The following CHN2 variants were observed in gnomAD, a reference collection of about 807,000 sequenced individuals.
CHN2 encodes beta-chimaerin.
A neutral mutation model predicts 56.3 loss-of-function variants in CHN2; 35 were observed. The ratio of observed to expected loss-of-function variants is 0.62; its 90% CI spans 0.47 to 0.82. The LOEUF (loss-of-function observed/expected upper bound fraction) is 0.82, where lower values mean the gene tolerates loss of function less well. CHN2 is among the 40% of genes least tolerant of loss of function. The pLI is 0.00. For missense variants in CHN2, 491 were observed against 580.5 expected (o/e 0.85, Z 1.58); for synonymous variants, 210 against 212.8 (o/e 0.99, Z 0.12).
chr7:29,493,783 T>G (rs1788921593), intron 7 of CHN2, among the ~76,000 whole-genome samples: 1 of 152,200 alleles, frequency 6.6e-6, no homozygotes, highest in Non-Finnish European at 1.5e-5. Context: ...GCTCTGTCAT[T>G]GTTCAACTAG....
In CHN2 at chr7:29,337,752, C is replaced by T. The variant is rs566959213; in HGVS notation, c.50-16873C>T. Among the ~76,000 whole-genome samples the T allele has an allele frequency of 3.9e-5, 6 of 152,310 alleles. No homozygotes were observed. In the South Asian group the frequency reaches 6.2e-4, roughly 16 times the overall value. ...TCTTGCAGGTTGTGAGGGATTGTTT[C>T]GGCTGTTGGGTCCTTACTCTTGCTT... is the stretch of plus-strand genomic sequence containing the variant. On this transcript the variant is annotated intron_variant, in intron 1 of 12. Transcript: ENST00000222792.
intron 2 of CHN2, among the ~76,000 whole-genome samples, chr7:29,152,860 A>G (rs560712424): frequency 1.3e-5 from 2 of 152,332 alleles, no homozygotes; most frequent in South Asian, 4.1e-4. Context: ...CATATTTGCA[A>G]ATTCTCCTCC....
At chr7:29,288,381 A>G (rs1792324174) in intron 1 of CHN2, among the ~76,000 whole-genome samples, 1 of 152,212 alleles carries the variant, frequency 6.6e-6, no homozygotes, top group Admixed American at 6.5e-5. Flanking sequence ...TGGTTGTGAA[A>G]TGATGCAAAA....
At position 29,494,950 on chromosome 7, in the gene CHN2, T is replaced by TAAAAAAAAAAAAAAAA. The variant is rs5883217; in HGVS notation, c.655-986_655-971dup. ...TTTTTTGTTAAATAAAAGCAGTTTG[T>TAAAAAAAAAAAAAAAA]AAAAAAAAAAAAAAAAAAAAAAAAA... On this transcript the variant is annotated intron_variant, in intron 7 of 12. Transcript: ENST00000222792. 7.4e-4 allele frequency among the ~76,000 whole-genome samples: 48 copies of TAAAAAAAAAAAAAAAA among 64,660 alleles called. 2 individuals carry two copies. The highest frequency in any genetic ancestry group is 9.3e-4 in the Non-Finnish European group (33 of 35,352). The allele number at this position is 64,660 out of a possible 152,430, so 42.4% of individuals were successfully genotyped here.
intron 3 of CHN2, among the ~76,000 whole-genome samples, chr7:29,389,916 C>T (rs1351282320): frequency 3.3e-5 from 5 of 151,620 alleles, no homozygotes; most frequent in Non-Finnish European, 5.9e-5. Context: ...TAGCCAGGCA[C>T]GGTGGTATGC....
At chr7:29,317,453 T>C (rs1468005896) in intron 1 of CHN2, among the ~76,000 whole-genome samples, 1 of 151,528 alleles carries the variant, frequency 6.6e-6, no homozygotes, top group Non-Finnish European at 1.5e-5. Flanking sequence ...CCAAAAGCAT[T>C]CAGTATCCTG....
At chr7:29,469,060 GTCT>G (rs952925794) in intron 6 of CHN2, among the ~76,000 whole-genome samples, 1 of 152,136 alleles carries the variant, frequency 6.6e-6, no homozygotes, top group African/African-American at 2.4e-5. Flanking sequence ...TCCTCCTGGA[GTCT>G]TCTTCATCTC....
chr7:29,195,063 T>C, intron 1 of CHN2, 73 bp downstream of exon 1: 1 of 1,483,328 alleles, frequency 6.7e-7, no homozygotes, highest in Non-Finnish European at 9.1e-7. Flanking sequence ...CAGCCTGGGA[T>C]GGACAGAGCC....
chr7:29,422,142 AT>A (rs1046979552), intron 6 of CHN2, among the ~76,000 whole-genome samples: 1 of 152,100 alleles, frequency 6.6e-6, no homozygotes, highest in African/African-American at 2.4e-5. Context: ...CCAAGTGAGG[AT>A]TTTTTTAATG....
intron 9 of CHN2, among the ~76,000 whole-genome samples, chr7:29,502,854 G>A (rs543122935): frequency 9.1e-4 from 138 of 151,994 alleles, no homozygotes; most frequent in Admixed American, 4.5e-3. Context: ...CTAAGTCTTA[G>A]GCCCTGTATG....
chr7:29,508,905 G>A (rs183164599), intron 11 of CHN2, among the ~76,000 whole-genome samples: 5 of 152,290 alleles, frequency 3.3e-5, no homozygotes, highest in Non-Finnish European at 5.9e-5. Flanking sequence ...TTAGACAACT[G>A]CAAGGCAATA....
chr7:29,159,149 G>A (rs1794830918), intron 2 of CHN2, among the ~76,000 whole-genome samples: 1 of 152,170 alleles, frequency 6.6e-6, no homozygotes. Context: ...CAGTGAGAAA[G>A]CATTGTGCAG....
At chr7:29,178,475 A>G (rs1243125094) in intron 2 of CHN2, among the ~76,000 whole-genome samples, 1 of 151,938 alleles carries the variant, frequency 6.6e-6, no homozygotes, top group Non-Finnish European at 1.5e-5. Context: ...AGCCCTTTAA[A>G]TCTGCTGTTC....
In CHN2 at chr7:29,497,072, G is replaced by A. The variant is rs142071323; in HGVS notation, c.739+1036G>A. Among the ~76,000 whole-genome samples, 57 of 152,296 alleles carry A rather than the reference G, an allele frequency of 3.7e-4. 1 individual carries two copies. Among genetic ancestry groups the A allele is most frequent in the Non-Finnish European group, 4.9e-4 (33 of 68,010 alleles). ...CTGGAAGAGGCTTCTAGCTTCCATTGTGTAAATACACCAATCACCGGTGTT... is the reference window on the plus strand; with the variant it reads ...CTGGAAGAGGCTTCTAGCTTCCATTATGTAAATACACCAATCACCGGTGTT... On this transcript the variant is annotated intron_variant, in intron 8 of 12. Coordinates refer to ENST00000222792, the MANE Select transcript of CHN2 (RefSeq NM_004067.4).
Position 29,210,658 on chromosome 7 carries a change from T to G in CHN2, c.49+15668T>G, listed in dbSNP as rs1784845468. Among the ~76,000 whole-genome samples the G allele has an allele frequency of 4.6e-5, 7 of 151,888 alleles. No individual in the cohort carries two copies. The South Asian group carries it at 1.5e-3, about 32-fold the overall frequency. ...CTAATTATTAATTTATATGGTATAT[T>G]AGAGGGTGATAAGTTCTATGGAGAA... On this transcript the variant is annotated intron_variant, in intron 1 of 12. Transcript: ENST00000222792.
upstream of CHN2, chr7:29,192,367 ACACTAT>A (rs1290867163): frequency 4.6e-5 from 7 of 152,198 alleles, no homozygotes; most frequent in Non-Finnish European, 1.0e-4. Flanking sequence ...TCCAGTTAAA[ACACTAT>A]GAAGGGAAAT....
chr7:29,243,753 T>C (rs1584847140), intron 1 of CHN2, among the ~76,000 whole-genome samples: 1 of 152,276 alleles, frequency 6.6e-6, no homozygotes, highest in African/African-American at 2.4e-5. Flanking sequence ...GGAAAGAGAA[T>C]CCAAAATTCC....
intron 1 of CHN2, among the ~76,000 whole-genome samples, chr7:29,295,034 T>C (rs1186263632): frequency 6.6e-6 from 1 of 152,226 alleles, no homozygotes; most frequent in Non-Finnish European, 1.5e-5. Context: ...AAGTCTCTTA[T>C]ATAAAATAGC....
At position 29,273,361 on chromosome 7, in the gene CHN2, A is replaced by G. The variant is rs915016866; in HGVS notation, c.49+78371A>G. Among the ~76,000 whole-genome samples the G allele has an allele frequency of 3.0e-4, 23 of 77,758 alleles. 2 individuals are homozygous for G. Among genetic ancestry groups the G allele is most frequent in the African/African-American group, 1.0e-3 (21 of 20,678 alleles). 51.0% of individuals were successfully genotyped at this position (77,758 alleles called of 152,430 possible). On this transcript the variant is annotated intron_variant, in intron 1 of 12. Coordinates refer to ENST00000222792, the MANE Select transcript of CHN2 (RefSeq NM_004067.4). ...TATATGTGTATATATATATATATAT[A>G]TATATATATATATATATATATATAT...
Sources: allele counts gnomAD v4.1 joint callset (sites outside exome capture counted in the v4.1 genomes callset), GRCh38; gene constraint gnomAD v4.1.1; transcripts MANE v1.5; gene names NCBI Gene and HGNC (gene_info 2026-07-23, HGNC 2026-07-21).